JMJD1C: variants seen among roughly 807,000 people sequenced by gnomAD.
The protein encoded by JMJD1C is jumonji domain containing 1C.
Under a neutral mutation model 245.3 loss-of-function variants are expected in JMJD1C, and 31 were observed. That is an observed-to-expected ratio of 0.13 (90% CI 0.09 to 0.17). The LOEUF (loss-of-function observed/expected upper bound fraction) is 0.17, where lower values mean the gene tolerates loss of function less well. Ranked by LOEUF, JMJD1C falls within the 10% of genes least tolerant of loss-of-function variation. JMJD1C has a pLI of 1.00. For synonymous variants in JMJD1C, 1,057 were observed against 1,017.4 expected (o/e 1.04, Z -0.74); for missense variants, 2,691 against 3,000.2 (o/e 0.90, Z 2.41).
intron 2 of JMJD1C, among the ~76,000 whole-genome samples, chr10:63,305,586 G>C (rs1429975040): frequency 7.0e-6 from 1 of 142,912 alleles, no homozygotes; most frequent in African/African-American, 2.6e-5. Flanking sequence ...TCCTACATCA[G>C]CCCCCAAGTA....
At chr10:63,309,402 G>A (rs1938801587) in intron 2 of JMJD1C, among the ~76,000 whole-genome samples, 4 of 149,644 alleles carry the variant, frequency 2.7e-5, no homozygotes, top group Admixed American at 1.3e-4. Context: ...GCTGAGGCAG[G>A]GGAATCGCTT....
Position 63,276,923 on chromosome 10 carries a change from C to T in JMJD1C, c.334-12159G>A, listed in dbSNP as rs569829924. ...TTTTTGAGAGAGAGTCTCGCTCTGT[C>T]GCCCAGGCTGGAGTGCAGTGGCAAG... On this transcript the variant is annotated intron_variant, in intron 2 of 25. Transcript: ENST00000399262. Among the ~76,000 whole-genome samples the T allele has an allele frequency of 4.6e-5, 5 of 109,108 alleles. No homozygotes were observed. The East Asian group carries it at 1.1e-3, about 24-fold the overall frequency. 71.6% of individuals were successfully genotyped at this position (109,108 alleles called of 152,430 possible).
intron 1 of JMJD1C, among the ~76,000 whole-genome samples, chr10:63,516,029 A>G (rs965915118): frequency 6.8e-6 from 1 of 146,282 alleles, no homozygotes; most frequent in African/African-American, 2.4e-5. Context: ...TAATACCTTT[A>G]TCTATTTTTT....
Position 63,207,558 on chromosome 10 carries a change from T to C in JMJD1C, c.4111A>G (p.Asn1371Asp). Residue 1371 changes from asparagine to aspartate, a missense_variant, in exon 10 of 26, where the codon AAC (asparagine) becomes GAC (aspartate). This residue lies in a region of JMJD1C where 1,562 missense variants were observed against 1,490.7 expected (regional missense o/e 1.05). Coordinates refer to ENST00000399262, the MANE Select transcript of JMJD1C (RefSeq NM_032776.3). ...CTGCCCTGTGAGACAGCCTGAAAGT[T>C]TTTTTCAGATTTTGTGTGAACACTG... Reference protein sequence around the residue: ...SDSVHTKSEKNFQAVSQGSVP... With the variant: ...SDSVHTKSEKDFQAVSQGSVP... 6.2e-7 allele frequency: 1 copy of C among 1,614,202 alleles called. No homozygotes were observed. The highest frequency in any genetic ancestry group is 8.5e-7 in the Non-Finnish European group (1 of 1,180,032).
intron 2 of JMJD1C, among the ~76,000 whole-genome samples, chr10:63,365,896 G>T (rs188990421): frequency 4.6e-5 from 7 of 152,302 alleles, no homozygotes; most frequent in Admixed American, 2.0e-4. Context: ...TAGGCCTCTG[G>T]CATGTCTTGG....
intron 1 of JMJD1C, among the ~76,000 whole-genome samples, chr10:63,431,354 CAT>C (rs779590487): frequency 7.2e-5 from 11 of 152,056 alleles, no homozygotes; most frequent in Non-Finnish European, 1.0e-4. Flanking sequence ...GTAAGAATGA[CAT>C]ATTGTAGTTT....
At chr10:63,252,599 C>T (rs1853242230) in intron 3 of JMJD1C, among the ~76,000 whole-genome samples, 1 of 152,188 alleles carries the variant, frequency 6.6e-6, no homozygotes, top group African/African-American at 2.4e-5. Context: ...TCCTCTTTCT[C>T]AATTTCTATA....
intron 1 of JMJD1C, among the ~76,000 whole-genome samples, chr10:63,455,211 G>A (rs1952334758): frequency 6.6e-6 from 1 of 152,048 alleles, no homozygotes; most frequent in South Asian, 2.1e-4. Flanking sequence ...ATGTTTCTGT[G>A]GTACCCAGTC....
intron 1 of JMJD1C, among the ~76,000 whole-genome samples, chr10:63,417,111 C>T (rs957234466): frequency 2.6e-5 from 4 of 152,082 alleles, no homozygotes; most frequent in South Asian, 2.1e-4. Context: ...AAGTCACTGA[C>T]GGCACCTACT....
chr10:63,389,171 A>G (rs1947847998), intron 1 of JMJD1C, among the ~76,000 whole-genome samples: 1 of 151,916 alleles, frequency 6.6e-6, no homozygotes, highest in Non-Finnish European at 1.5e-5. Context: ...TAAAAATACA[A>G]AAATTGGTGA....
At chr10:63,480,936 A>G (rs1953813230) in intron 1 of JMJD1C, among the ~76,000 whole-genome samples, 1 of 152,202 alleles carries the variant, frequency 6.6e-6, no homozygotes, top group South Asian at 2.1e-4. Context: ...CTACCATATA[A>G]TTCATATTTA....
intron 2 of JMJD1C, among the ~76,000 whole-genome samples, chr10:63,354,700 A>C (rs538714864): frequency 8.6e-5 from 13 of 151,194 alleles, no homozygotes; most frequent in Non-Finnish European, 1.3e-4. Context: ...TTATTTTAAA[A>C]ATTTTAATAT....
chr10:63,178,692 C>G (rs1843095828), intron 22 of JMJD1C, among the ~76,000 whole-genome samples: 1 of 152,158 alleles, frequency 6.6e-6, no homozygotes, highest in Admixed American at 6.5e-5. Context: ...GCAAATGTTT[C>G]ACGAACAAAG....
intron 1 of JMJD1C, among the ~76,000 whole-genome samples, chr10:63,483,466 A>T (rs1169020812): frequency 6.6e-6 from 1 of 152,202 alleles, no homozygotes; most frequent in African/African-American, 2.4e-5. Flanking sequence ...TCTGCGCATT[A>T]GATTTCAGCA....
At chr10:63,240,053 C>A (rs1851291936) in intron 3 of JMJD1C, among the ~76,000 whole-genome samples, 1 of 152,084 alleles carries the variant, frequency 6.6e-6, no homozygotes, top group African/African-American at 2.4e-5. Flanking sequence ...ATCTACCTGG[C>A]CTCTCCAGAA....
chr10:63,379,368 C>T (rs970872421), intron 2 of JMJD1C, among the ~76,000 whole-genome samples: 7 of 152,052 alleles, frequency 4.6e-5, no homozygotes, highest in African/African-American at 1.7e-4. Context: ...TGCCAGAAAA[C>T]AGCAATAACA....
At chr10:63,237,293 C>T (rs1230417820) in intron 3 of JMJD1C, among the ~76,000 whole-genome samples, 2 of 152,174 alleles carry the variant, frequency 1.3e-5, no homozygotes, top group Non-Finnish European at 2.9e-5. Context: ...CCGCCTTGGC[C>T]TCCCAAAGAG....
intron 2 of JMJD1C, among the ~76,000 whole-genome samples, chr10:63,357,147 C>A (rs1944915501): frequency 6.6e-6 from 1 of 151,630 alleles, no homozygotes; most frequent in South Asian, 2.1e-4. Flanking sequence ...GATTCTCCTG[C>A]CTCAGCCTCC....
At position 63,219,987 on chromosome 10, in the gene JMJD1C, G is replaced by C. The variant is rs775307689; in HGVS notation, c.448-4C>G. 1.2e-6 allele frequency: 2 copies of C among 1,602,508 alleles called. No individual in the cohort carries two copies. The highest frequency in any genetic ancestry group is 2.7e-5 in the African/African-American group (2 of 74,692). On this transcript the variant is annotated splice_polypyrimidine_tract_variant and splice_region_variant and intron_variant, in intron 3 of 25. Coordinates refer to ENST00000399262, the MANE Select transcript of JMJD1C (RefSeq NM_032776.3). ...GGTTTAGGCTGTCTATGTCGTCCTA[G>C]AATTATAGATTAAAAGAAAGGTCCA...
Sources: gnomAD v4.1 joint callset for allele counts (sites outside exome capture counted in the v4.1 genomes callset) on GRCh38, gnomAD v4.1.1 for gene constraint, gnomAD v4.1.1 regional missense constraint, MANE v1.5 for transcripts, NCBI Gene and HGNC (gene_info 2026-07-23, HGNC 2026-07-21) for gene names.